UNC13C: variants seen among roughly 807,000 people sequenced by gnomAD.
UNC13C encodes the protein protein unc-13 homolog C.
Under a neutral mutation model 245.4 loss-of-function variants are expected in UNC13C, and 174 were observed. That is an observed-to-expected ratio of 0.71 (90% CI 0.63 to 0.80). UNC13C has a LOEUF of 0.80. Ranked by LOEUF, UNC13C falls within the 30% of genes least tolerant of loss-of-function variation. UNC13C has a pLI of 0.00. For synonymous variants in UNC13C, 992 were observed against 895.1 expected (o/e 1.11, Z -1.93); for missense variants, 2,829 against 2,602.9 (o/e 1.09, Z -1.89).
chr15:54,627,342 A>G lies in UNC13C; in HGVS notation c.*229A>G, dbSNP rs1901246414. ...TGATGTAAAGTGAAATATCAAGAAC[A>G]CCTTTTAACATGTTTATTTTGTTTC... On this transcript the variant is annotated 3_prime_UTR_variant, in exon 33 of 33. Transcript: ENST00000260323. 2.7e-6 allele frequency: 1 copy of G among 374,306 alleles called. No homozygotes were observed. The highest frequency in any genetic ancestry group is 4.8e-6 in the Non-Finnish European group (1 of 207,986). The allele number at this position is 374,306 out of a possible 1,614,324, so 23.2% of individuals were successfully genotyped here.
At chr15:54,375,452 C>T (rs1020960503) in intron 17 of UNC13C, among the ~76,000 whole-genome samples, 10 of 152,086 alleles carry the variant, frequency 6.6e-5, no homozygotes, top group African/African-American at 1.7e-4. Context: ...TTCTAGCCAA[C>T]GGAGTACGGC....
Position 54,015,905 on chromosome 15 carries a change from T to A in UNC13C, c.2983+19T>A. On this transcript the variant is annotated intron_variant, in intron 2 of 32. Transcript: ENST00000260323. Reference sequence around the variant, plus strand: ...GCTGGAGGTATTCATGTTTAAATGCTACATTGTGAGCTAATTGTGTTTTAA... The same window carrying A: ...GCTGGAGGTATTCATGTTTAAATGCAACATTGTGAGCTAATTGTGTTTTAA... 6.5e-7 allele frequency: 1 copy of A among 1,528,406 alleles called. No individual in the cohort carries two copies. Among genetic ancestry groups the A allele is most frequent in the Admixed American group, 2.2e-5 (1 of 45,420 alleles). 94.7% of individuals were successfully genotyped at this position (1,528,406 alleles called of 1,614,324 possible).
intron 26 of UNC13C, among the ~76,000 whole-genome samples, chr15:54,542,278 G>C (rs1179346553): frequency 2.0e-5 from 3 of 152,120 alleles, no homozygotes; most frequent in African/African-American, 4.8e-5. Flanking sequence ...TTTAGGAGCA[G>C]GTTGTTCAGC....
At chr15:54,258,014 C>A (rs1248719040) in intron 8 of UNC13C, among the ~76,000 whole-genome samples, 2 of 152,080 alleles carry the variant, frequency 1.3e-5, no homozygotes, top group Non-Finnish European at 2.9e-5. Context: ...GCAGTAAAGA[C>A]CCATTTCCCA....
intron 4 of UNC13C, among the ~76,000 whole-genome samples, chr15:54,189,264 G>A (rs1048210723): frequency 5.9e-5 from 9 of 152,068 alleles, no homozygotes; most frequent in African/African-American, 2.2e-4. Context: ...ATATTCCCTG[G>A]GCAAAAGGGA....
intron 19 of UNC13C, among the ~76,000 whole-genome samples, chr15:54,418,470 T>A (rs925736572): frequency 6.6e-6 from 1 of 152,240 alleles, no homozygotes; most frequent in South Asian, 2.1e-4. Flanking sequence ...TTCCACTGCT[T>A]GTTCTGCATG....
chr15:54,019,074 T>C (rs993660119), intron 2 of UNC13C, among the ~76,000 whole-genome samples: 7 of 152,210 alleles, frequency 4.6e-5, no homozygotes, highest in African/African-American at 1.7e-4. Context: ...TTCCAGGCTG[T>C]TTACCTGTTT....
At chr15:54,595,858 A>C (rs1899049916) in intron 30 of UNC13C, among the ~76,000 whole-genome samples, 1 of 152,330 alleles carries the variant, frequency 6.6e-6, no homozygotes, top group Non-Finnish European at 1.5e-5. Context: ...CTTTTATAGA[A>C]ATGTAGCCAA....
At chr15:54,558,277 C>A (rs62022758) in intron 29 of UNC13C, among the ~76,000 whole-genome samples, 9,327 of 151,962 alleles carry the variant, frequency 0.061, 395 homozygotes, top group Admixed American at 0.13. Context: ...GATTATTCAC[C>A]TTTGATAATA....
At chr15:54,518,036 G>T (rs562165894) in intron 24 of UNC13C, among the ~76,000 whole-genome samples, 5 of 152,258 alleles carry the variant, frequency 3.3e-5, no homozygotes, top group Non-Finnish European at 1.5e-5. Flanking sequence ...TATTTGAAGT[G>T]CTGGCCTTTT....
intron 19 of UNC13C, among the ~76,000 whole-genome samples, chr15:54,462,188 G>A (rs1891885126): frequency 6.6e-6 from 1 of 152,218 alleles, no homozygotes; most frequent in Non-Finnish European, 1.5e-5. Context: ...CTACAATCAT[G>A]AGCCACAAAC....
chr15:54,181,502 C>A (rs1190800768), intron 4 of UNC13C, among the ~76,000 whole-genome samples: 1 of 150,264 alleles, frequency 6.7e-6, no homozygotes, highest in East Asian at 1.9e-4. Context: ...TTTGTTTTTT[C>A]TTCTTAGGCT....
intron 2 of UNC13C, among the ~76,000 whole-genome samples, chr15:54,097,933 A>T (rs1229182979): frequency 1.3e-5 from 2 of 152,218 alleles, no homozygotes; most frequent in African/African-American, 4.8e-5. Flanking sequence ...CCTCTTGAAG[A>T]GACATTTCAT....
chr15:54,216,081 G>T (rs1357326791), intron 4 of UNC13C, among the ~76,000 whole-genome samples: 1 of 151,882 alleles, frequency 6.6e-6, no homozygotes, highest in African/African-American at 2.4e-5. Context: ...AGGATGTGAG[G>T]ATGAGAGACA....
intron 4 of UNC13C, among the ~76,000 whole-genome samples, chr15:54,185,329 A>T (rs952216373): frequency 1.3e-5 from 2 of 151,862 alleles, no homozygotes; most frequent in Non-Finnish European, 2.9e-5. Context: ...GGTGTTTTAG[A>T]CATGAAGTCC....
chr15:54,084,133 A>C (rs747957681), intron 2 of UNC13C, among the ~76,000 whole-genome samples: 9 of 151,784 alleles, frequency 5.9e-5, no homozygotes, highest in Non-Finnish European at 1.0e-4. Context: ...TCTCAGCCAG[A>C]CTCTTGCTAC....
chr15:54,282,887 C>T (rs1011490555), intron 10 of UNC13C, among the ~76,000 whole-genome samples: 1 of 152,146 alleles, frequency 6.6e-6, no homozygotes, highest in Non-Finnish European at 1.5e-5. Flanking sequence ...CCCTCAAGGT[C>T]AGGCCGTCTC....
intron 1 of UNC13C, among the ~76,000 whole-genome samples, chr15:53,989,713 T>A (rs1433241600): frequency 3.9e-5 from 6 of 152,078 alleles, no homozygotes; most frequent in African/African-American, 1.4e-4. Flanking sequence ...TGTAAAGCAG[T>A]ACTCATCTTG....
At chr15:54,376,083 T>C (rs1350073192) in intron 17 of UNC13C, among the ~76,000 whole-genome samples, 3 of 152,170 alleles carry the variant, frequency 2.0e-5, no homozygotes, top group South Asian at 2.1e-4. Flanking sequence ...CCTTAATTCC[T>C]GGAGAAGAGA....
Sources: gnomAD v4.1 joint callset for allele counts (sites outside exome capture counted in the v4.1 genomes callset) on GRCh38, gnomAD v4.1.1 for gene constraint, MANE v1.5 for transcripts, NCBI Gene and HGNC (gene_info 2026-07-23, HGNC 2026-07-21) for gene names.